RAPGEF5: variants seen among roughly 807,000 people sequenced by gnomAD.
RAPGEF5 encodes the protein M-Ras-regulated GEF.
A neutral mutation model predicts 125.2 loss-of-function variants in RAPGEF5; 65 were observed. That is an observed-to-expected ratio of 0.52 (90% CI 0.43 to 0.64). The LOEUF is 0.64. RAPGEF5 is among the 30% of genes least tolerant of loss of function. RAPGEF5 has a pLI of 0.00. For missense variants in RAPGEF5, 958 were observed against 1,048.1 expected (o/e 0.91, Z 1.19); for synonymous variants, 391 against 385.9 (o/e 1.01, Z -0.16).
At chr7:22,356,640 G>T in intron 1 of RAPGEF5, 190 bp downstream of exon 1, 1 of 199,972 alleles carries the variant, frequency 5.0e-6, no homozygotes. Context: ...GGGGGCGGGG[G>T]AAGCCGTCGC....
At chr7:22,248,472 G>A (rs972259000) in intron 7 of RAPGEF5, among the ~76,000 whole-genome samples, 1 of 152,128 alleles carries the variant, frequency 6.6e-6, no homozygotes, top group Non-Finnish European at 1.5e-5. Flanking sequence ...TAATACTTGT[G>A]AGGCCCAGTG....
intron 9 of RAPGEF5, among the ~76,000 whole-genome samples, chr7:22,208,824 A>T (rs1785450317): frequency 6.6e-6 from 1 of 152,216 alleles, no homozygotes. Context: ...TCTTCTCCAA[A>T]GATTCTAGGG....
chr7:22,154,668 A>G, intron 16 of RAPGEF5, 64 bp from the exon 17 acceptor site: 1 of 1,544,736 alleles, frequency 6.5e-7, no homozygotes, highest in South Asian at 1.2e-5. Context: ...AGACTTTTCC[A>G]AATCAAGGCA....
chr7:22,315,380 C>A lies in RAPGEF5; in HGVS notation c.379G>T (p.Gly127Trp), dbSNP rs986342041. ...DLIKDRVNLKGFYRRSCVGSE... is the reference protein window; with the variant it reads ...DLIKDRVNLKWFYRRSCVGSE... ...AGAAAACTGTGTTACCTGTAAAACC[C>A]CTTGAGGTTCACTCTGTCCTTTATC... The change falls in exon 3 of 26, where the codon GGG (glycine) becomes TGG (tryptophan). Residue 127 changes from glycine to tryptophan, a missense_variant. Transcript: ENST00000665637. 1 of 1,541,354 alleles carries A rather than the reference C, an allele frequency of 6.5e-7. No homozygotes were observed. The highest frequency in any genetic ancestry group is 8.8e-7 in the Non-Finnish European group (1 of 1,142,714).
chr7:22,354,502 T>G (rs1784385240), intron 1 of RAPGEF5, among the ~76,000 whole-genome samples: 1 of 152,246 alleles, frequency 6.6e-6, no homozygotes, highest in African/African-American at 2.4e-5. Context: ...GTCTGATACA[T>G]ATTCTACTTG....
At position 22,326,757 on chromosome 7, in the gene RAPGEF5, AG is replaced by A. The variant is rs1783821611; in HGVS notation, c.232-8721del. On this transcript the variant is annotated intron_variant, in intron 1 of 25. Coordinates refer to ENST00000665637, the MANE Select transcript of RAPGEF5 (RefSeq NM_012294.5). ...AAACAAAAAGTAGAAGTACTAGTAAAGGGTACAAAGTTCTAATTATACAAGA... is the reference window on the plus strand; with the variant it reads ...AAACAAAAAGTAGAAGTACTAGTAAAGGTACAAAGTTCTAATTATACAAGA... Among the ~76,000 whole-genome samples the A allele has an allele frequency of 2.6e-5, 4 of 152,352 alleles. No individual in the cohort carries two copies. The South Asian group carries it at 8.3e-4, about 32-fold the overall frequency.
At chr7:22,339,640 C>A (rs923999966) in intron 1 of RAPGEF5, among the ~76,000 whole-genome samples, 8 of 152,202 alleles carry the variant, frequency 5.3e-5, no homozygotes, top group African/African-American at 1.4e-4. Flanking sequence ...GTGCTGCCTG[C>A]AGTACACACA....
intron 9 of RAPGEF5, among the ~76,000 whole-genome samples, chr7:22,208,868 T>C (rs985987273): frequency 9.8e-5 from 15 of 152,286 alleles, no homozygotes; most frequent in Middle Eastern, 3.4e-3. Flanking sequence ...GAACGTAAAG[T>C]AGAAGTCAGA....
At chr7:22,335,074 T>C (rs763567488) in intron 1 of RAPGEF5, among the ~76,000 whole-genome samples, 8 of 152,098 alleles carry the variant, frequency 5.3e-5, no homozygotes, top group Non-Finnish European at 1.2e-4. Flanking sequence ...CCTGCCCCAA[T>C]AGCAAGTCAA....
chr7:22,192,324 C>A (rs1305337625), intron 11 of RAPGEF5: 1 of 152,254 alleles, frequency 6.6e-6, no homozygotes, highest in African/African-American at 2.4e-5. Context: ...CATTTTGATA[C>A]TGTTTTTTTG....
chr7:22,245,395 T>C (rs1056530123), intron 7 of RAPGEF5, among the ~76,000 whole-genome samples: 1 of 152,182 alleles, frequency 6.6e-6, no homozygotes, highest in Non-Finnish European at 1.5e-5. Flanking sequence ...TCTAGACCAA[T>C]GTTATACAGA....
chr7:22,176,759 G>A (rs1784521880), intron 11 of RAPGEF5, among the ~76,000 whole-genome samples: 1 of 152,138 alleles, frequency 6.6e-6, no homozygotes, highest in Non-Finnish European at 1.5e-5. Context: ...CCAAACTCCT[G>A]ACCTCAAATG....
chr7:22,150,195 T>A (rs934099927), intron 18 of RAPGEF5, among the ~76,000 whole-genome samples: 7 of 147,648 alleles, frequency 4.7e-5, no homozygotes, highest in African/African-American at 1.7e-4. Context: ...TCCTCCCACC[T>A]CAGCACACAC....
chr7:22,181,041 C>G (rs1207367298), intron 11 of RAPGEF5, among the ~76,000 whole-genome samples: 1 of 152,198 alleles, frequency 6.6e-6, no homozygotes, highest in African/African-American at 2.4e-5. Context: ...CCTTCAAATA[C>G]AGATCAAACT....
chr7:22,154,390 G>T, intron 17 of RAPGEF5, 65 bp downstream of exon 17: 2 of 1,561,060 alleles, frequency 1.3e-6, no homozygotes, highest in Non-Finnish European at 1.7e-6. Context: ...CTACAAAAAT[G>T]TCACCTCCCT....
intron 23 of RAPGEF5, among the ~76,000 whole-genome samples, chr7:22,132,577 A>C (rs1386148305): frequency 6.6e-6 from 1 of 152,206 alleles, no homozygotes; most frequent in African/African-American, 2.4e-5. Flanking sequence ...CTGTGTAGCA[A>C]ATGCAAACCT....
chr7:22,290,327 G>A (rs796625642), intron 6 of RAPGEF5, among the ~76,000 whole-genome samples: 5 of 152,326 alleles, frequency 3.3e-5, no homozygotes, highest in African/African-American at 1.2e-4. Context: ...GTTTGGTGAC[G>A]TAGGATTGCT....
At chr7:22,135,355 C>T (rs1425074800) in intron 23 of RAPGEF5, among the ~76,000 whole-genome samples, 2 of 152,190 alleles carry the variant, frequency 1.3e-5, no homozygotes, top group African/African-American at 4.8e-5. Context: ...CACTGAATGT[C>T]AGCGGTATAC....
intron 6 of RAPGEF5, among the ~76,000 whole-genome samples, chr7:22,271,176 G>C (rs116162012): frequency 1.5e-3 from 234 of 152,188 alleles, no homozygotes; most frequent in African/African-American, 5.1e-3. Context: ...ATCATTTGGA[G>C]AGGTTTAAAA....
Sources: gnomAD v4.1 joint callset for allele counts (sites outside exome capture counted in the v4.1 genomes callset) on GRCh38, gnomAD v4.1.1 for gene constraint, MANE v1.5 for transcripts, NCBI Gene and HGNC (gene_info 2026-07-23, HGNC 2026-07-21) for gene names.